CDH4: variants seen among roughly 807,000 people sequenced by gnomAD.
The protein encoded by CDH4 is cadherin-4.
Under a neutral mutation model 86.0 loss-of-function variants are expected in CDH4, and 33 were observed. That is an observed-to-expected ratio of 0.38 (90% CI 0.29 to 0.51). The LOEUF (loss-of-function observed/expected upper bound fraction) is 0.51. Among genes scored for constraint, CDH4 ranks in the 20% least tolerant of loss-of-function variants. The pLI is 0.86. For synonymous variants in CDH4, 555 were observed against 549.4 expected (o/e 1.01, Z -0.14); for missense variants, 1,114 against 1,307.4 (o/e 0.85, Z 2.28).
At chr20:61,887,530 CACAAT>C (rs1984602293) in intron 7 of CDH4, among the ~76,000 whole-genome samples, 1 of 147,406 alleles carries the variant, frequency 6.8e-6, no homozygotes, top group African/African-American at 2.7e-5. Flanking sequence ...CATGCACACA[CACAAT>C]ACACTGTACA....
intron 4 of CDH4, among the ~76,000 whole-genome samples, chr20:61,788,425 G>T (rs2146010881): frequency 6.6e-6 from 1 of 152,332 alleles, no homozygotes; most frequent in African/African-American, 2.4e-5. Flanking sequence ...GAAGGGAAGT[G>T]ATGGCAGAGG....
intron 4 of CDH4, among the ~76,000 whole-genome samples, chr20:61,790,599 C>G (rs1979129083): frequency 6.6e-6 from 1 of 151,148 alleles, no homozygotes; most frequent in Non-Finnish European, 1.5e-5. Flanking sequence ...TTCATCCATC[C>G]ACCCACCATC....
At chr20:61,583,832 C>T (rs2086450301) in intron 2 of CDH4, among the ~76,000 whole-genome samples, 1 of 152,204 alleles carries the variant, frequency 6.6e-6, no homozygotes, top group Non-Finnish European at 1.5e-5. Context: ...CGTACAGCCA[C>T]ACACTCCTTC....
At chr20:61,837,149 C>T (rs142833339) in intron 4 of CDH4, among the ~76,000 whole-genome samples, 201 of 152,276 alleles carry the variant, frequency 1.3e-3, no homozygotes, top group African/African-American at 4.6e-3. Flanking sequence ...GTTGTGATTG[C>T]GCCACTGCAC....
At chr20:61,933,760 G>A (rs995189498) in intron 14 of CDH4, among the ~76,000 whole-genome samples, 1 of 152,066 alleles carries the variant, frequency 6.6e-6, no homozygotes, top group Non-Finnish European at 1.5e-5. Flanking sequence ...CTGAGCACTC[G>A]GGGCACGTGG....
intron 2 of CDH4, chr20:61,437,479 G>A (rs1391029581): frequency 1.3e-5 from 2 of 152,186 alleles, no homozygotes; most frequent in African/African-American, 4.8e-5. Context: ...GCAAGTCCTT[G>A]TGCCGAGCAC....
In CDH4 at chr20:61,663,234, C is replaced by G. The variant is rs2087281062; in HGVS notation, c.170-80329C>G. ...AAACGTTCTGTGACAAAGCCCCTGT[C>G]CCAGAGGAGCTTTCATCGAGGGCTT... On this transcript the variant is annotated intron_variant, in intron 2 of 15. Coordinates refer to ENST00000614565, the MANE Select transcript of CDH4 (RefSeq NM_001794.5). The surrounding 1 kb of genome is among the most constrained non-coding windows in gnomAD (Gnocchi z 5.0). 6.6e-6 allele frequency among the ~76,000 whole-genome samples: 1 copy of G among 152,216 alleles called. No individual in the cohort carries two copies.
At chr20:61,331,112 G>A (rs1270365485) in intron 2 of CDH4, among the ~76,000 whole-genome samples, 1 of 152,094 alleles carries the variant, frequency 6.6e-6, no homozygotes, top group South Asian at 2.1e-4. Context: ...GAGGATCTCT[G>A]CCAGGGCTGC....
chr20:61,918,332 G>A (rs1159419484), intron 9 of CDH4, among the ~76,000 whole-genome samples: 2 of 152,232 alleles, frequency 1.3e-5, no homozygotes, highest in East Asian at 3.8e-4. Context: ...AGCTGCAGGT[G>A]TGAGGCCCCT....
chr20:61,661,861 C>T (rs750236362), intron 2 of CDH4, among the ~76,000 whole-genome samples: 1 of 152,150 alleles, frequency 6.6e-6, no homozygotes, highest in Non-Finnish European at 1.5e-5. Flanking sequence ...TATGGATCCC[C>T]ATTTAAATGA....
chr20:61,380,450 C>T (rs1187171429), intron 2 of CDH4, among the ~76,000 whole-genome samples: 2 of 152,038 alleles, frequency 1.3e-5, no homozygotes, highest in African/African-American at 2.4e-5. Context: ...GATGAGTGAT[C>T]GGGTTTGTGT....
At chr20:61,871,155 A>G (rs1293740377) in intron 6 of CDH4, among the ~76,000 whole-genome samples, 1 of 152,118 alleles carries the variant, frequency 6.6e-6, no homozygotes, top group African/African-American at 2.4e-5. Context: ...TTCTGCCTGA[A>G]AACACCCTTA....
intron 9 of CDH4, among the ~76,000 whole-genome samples, chr20:61,911,737 G>A (rs113073821): frequency 7.0e-6 from 1 of 141,932 alleles, no homozygotes; most frequent in African/African-American, 2.7e-5. Flanking sequence ...AGGATATGCC[G>A]AAGCGTAAGG....
At chr20:61,800,731 C>G (rs142355279) in intron 4 of CDH4, among the ~76,000 whole-genome samples, 2 of 152,356 alleles carry the variant, frequency 1.3e-5, no homozygotes, top group African/African-American at 4.8e-5. Context: ...AGGCCGAGAG[C>G]ACAGATGGCC....
intron 2 of CDH4, among the ~76,000 whole-genome samples, chr20:61,471,509 A>G (rs1436472531): frequency 1.4e-5 from 2 of 146,894 alleles, no homozygotes; most frequent in Admixed American, 6.7e-5. Flanking sequence ...TTTTTTTTCA[A>G]TTTTATTTAT....
intron 2 of CDH4, among the ~76,000 whole-genome samples, chr20:61,640,867 T>C (rs1297186657): frequency 2.6e-5 from 4 of 152,178 alleles, no homozygotes; most frequent in African/African-American, 9.7e-5. Flanking sequence ...CTTGGTTCCG[T>C]TTCTGCTAAT....
intron 6 of CDH4, among the ~76,000 whole-genome samples, chr20:61,858,928 G>A (rs751506654): frequency 1.6e-4 from 25 of 152,266 alleles, no homozygotes; most frequent in African/African-American, 4.8e-4. Flanking sequence ...ATGAATGCCC[G>A]AGAATGCAAT....
chr20:61,674,557 C>T (rs923302454), intron 2 of CDH4, among the ~76,000 whole-genome samples: 12 of 152,186 alleles, frequency 7.9e-5, no homozygotes, highest in Non-Finnish European at 1.6e-4. Context: ...CAGCACAGTC[C>T]CATAGAAATG....
intron 2 of CDH4, among the ~76,000 whole-genome samples, chr20:61,442,746 C>G (rs1333047264): frequency 6.6e-6 from 1 of 152,226 alleles, no homozygotes; most frequent in African/African-American, 2.4e-5. Flanking sequence ...TTTTAGGAAA[C>G]AAGCGGCAAA....
Sources: allele counts gnomAD v4.1 joint callset (sites outside exome capture counted in the v4.1 genomes callset), GRCh38; gene constraint gnomAD v4.1.1; non-coding constraint Gnocchi (gnomAD v3.1); transcripts MANE v1.5; gene names NCBI Gene and HGNC (gene_info 2026-07-23, HGNC 2026-07-21).